Variants in AK9 observed in about 807,000 individuals in gnomAD.
The protein encoded by AK9 is adenylate kinase domain containing 1.
A neutral mutation model predicts 239.6 loss-of-function variants in AK9; 191 were observed. The observed-to-expected ratio is 0.80, with a 90% confidence interval of 0.71 to 0.90. The LOEUF (loss-of-function observed/expected upper bound fraction) is 0.90. AK9 is among the 40% of genes least tolerant of loss of function. AK9 has a pLI of 0.00. For synonymous variants in AK9, 689 were observed against 721.0 expected, an observed-to-expected ratio of 0.96 and a Z score of 0.71; for missense variants, 1,995 against 2,214.7, an observed-to-expected ratio of 0.90 and a Z score of 1.99.
chr6:109,494,140 G>T, intron 39 of AK9, 45 bp from the exon 40 acceptor site: 1 of 1,440,690 alleles, frequency 6.9e-7, no homozygotes, highest in Non-Finnish European at 9.7e-7. Flanking sequence ...CTTGAGTTTG[G>T]TTTCTTTTCT....
At chr6:109,632,807 G>A (rs1554276476) in intron 12 of AK9, 116 bp downstream of exon 12, 2 of 1,372,724 alleles carry the variant, frequency 1.5e-6, no homozygotes, top group Non-Finnish European at 1.9e-6. Context: ...TTTAAAAACT[G>A]AGTACAAATA....
At chr6:109,616,180 T>C (rs1794171141) in intron 13 of AK9, among the ~76,000 whole-genome samples, 1 of 152,138 alleles carries the variant, frequency 6.6e-6, no homozygotes, top group African/African-American at 2.4e-5. Flanking sequence ...GTTTAAACTA[T>C]ACTTCTTTTC....
chr6:109,514,238 G>T lies in AK9; in HGVS notation c.4265C>A (p.Ser1422Tyr). The stretch of plus-strand genomic sequence containing the variant: ...CATACGCTCACCTGTAGTTTTCCCA[G>T]ATTTTGGAGGCCCCACAATTATAAT... ...IRIIIVGPPKSGKTTVAKKIT... is the reference protein window; with the variant it reads ...IRIIIVGPPKYGKTTVAKKIT... Residue 1422 changes from serine to tyrosine, a missense_variant, in exon 32 of 41, where the codon TCT (serine) becomes TAT (tyrosine). Ser to Tyr is a moderately radical substitution (Grantham distance 144, BLOSUM62 -2). Around this residue, in one of 5 missense-constraint regions of AK9, gnomAD observed 1,290 missense variants for 1,392.7 expected, o/e 0.93. Coordinates refer to ENST00000424296, the MANE Select transcript of AK9 (RefSeq NM_001145128.3). 1 of 1,550,854 alleles carries T rather than the reference G, an allele frequency of 6.4e-7. No homozygotes were observed. Among genetic ancestry groups the T allele is most frequent in the Non-Finnish European group, 8.7e-7 (1 of 1,146,742 alleles).
At chr6:109,661,008 G>A in intron 6 of AK9, 2 of 491,014 alleles carry the variant, frequency 4.1e-6, no homozygotes, top group Non-Finnish European at 8.0e-6. Context: ...TATACATAAA[G>A]TTTTATGTAT....
intron 9 of AK9, chr6:109,644,412 T>C (rs1344721362): frequency 6.8e-6 from 3 of 440,568 alleles, no homozygotes; most frequent in Non-Finnish European, 1.2e-5. Flanking sequence ...TTGAAAGAGA[T>C]TTTAAATTCG....
At chr6:109,550,360 A>G in intron 24 of AK9, 58 bp from the exon 25 acceptor site, 1 of 1,473,790 alleles carries the variant, frequency 6.8e-7, no homozygotes, top group Non-Finnish European at 9.2e-7. Context: ...TTTGATGCAG[A>G]TAATTTTTTA....
At position 109,594,592 on chromosome 6, in the gene AK9, A is replaced by G. The variant is rs145470285; in HGVS notation, c.1843-8520T>C. Among the ~76,000 whole-genome samples, 302 of 152,274 alleles carry G rather than the reference A, an allele frequency of 2.0e-3. 1 individual carries two copies. The highest frequency in any genetic ancestry group is 6.9e-3 in the African/African-American group (285 of 41,556). Reference sequence around the variant, plus strand: ...ATAAGAACAAAGCTGGAGGCTTCATACTTCCTGACTTCAAACTATACTACA... The same window carrying G: ...ATAAGAACAAAGCTGGAGGCTTCATGCTTCCTGACTTCAAACTATACTACA... On this transcript the variant is annotated intron_variant, in intron 17 of 40. Coordinates refer to ENST00000424296, the MANE Select transcript of AK9 (RefSeq NM_001145128.3).
At chr6:109,510,521 T>G (rs1778620378) in intron 32 of AK9, among the ~76,000 whole-genome samples, 1 of 152,008 alleles carries the variant, frequency 6.6e-6, no homozygotes, top group African/African-American at 2.4e-5. Context: ...CAGGGCCTCC[T>G]CTCTGCTGAG....
intron 33 of AK9, among the ~76,000 whole-genome samples, chr6:109,507,786 C>T (rs974874532): frequency 6.6e-6 from 1 of 152,138 alleles, no homozygotes; most frequent in Non-Finnish European, 1.5e-5. Flanking sequence ...TGAACTGTAA[C>T]CTAGCTTAAT....
chr6:109,531,600 C>T (rs767871462), intron 28 of AK9, among the ~76,000 whole-genome samples: 2 of 152,128 alleles, frequency 1.3e-5, no homozygotes, highest in Non-Finnish European at 2.9e-5. Flanking sequence ...ACAGCCACTG[C>T]GGCTACTGGC....
chr6:109,618,086 G>A (rs1794392726), intron 13 of AK9, among the ~76,000 whole-genome samples: 1 of 152,152 alleles, frequency 6.6e-6, no homozygotes, highest in Non-Finnish European at 1.5e-5. Flanking sequence ...AACATAATTA[G>A]GAAAAGGATA....
chr6:109,548,851 G>A (rs1783941436), intron 25 of AK9, among the ~76,000 whole-genome samples: 1 of 152,284 alleles, frequency 6.6e-6, no homozygotes. Context: ...GGCTTTATCA[G>A]TATGATCCTG....
intron 17 of AK9, among the ~76,000 whole-genome samples, chr6:109,608,166 G>A (rs938842490): frequency 3.3e-5 from 5 of 151,012 alleles, no homozygotes; most frequent in Non-Finnish European, 4.4e-5. Context: ...GCAGTCCCAC[G>A]TACTCAGGAG....
intron 17 of AK9, among the ~76,000 whole-genome samples, chr6:109,592,972 T>C (rs1161216350): frequency 6.6e-6 from 1 of 152,156 alleles, no homozygotes; most frequent in African/African-American, 2.4e-5. Flanking sequence ...TCTGCACTTT[T>C]TACTTTTTCT....
chr6:109,654,557 C>T (rs1249075078), intron 8 of AK9, among the ~76,000 whole-genome samples: 1 of 152,060 alleles, frequency 6.6e-6, no homozygotes, highest in Admixed American at 6.5e-5. Context: ...TCTCGAACTC[C>T]TGAGCTCAGG....
At chr6:109,517,723 T>C (rs1246464367) in intron 29 of AK9, among the ~76,000 whole-genome samples, 33 of 152,190 alleles carry the variant, frequency 2.2e-4, no homozygotes, top group Non-Finnish European at 4.4e-5. Flanking sequence ...TCGGAGGCTA[T>C]AGCCTATCTG....
intron 9 of AK9, among the ~76,000 whole-genome samples, chr6:109,642,321 A>T (rs1797555004): frequency 6.6e-6 from 1 of 152,246 alleles, no homozygotes; most frequent in African/African-American, 2.4e-5. Flanking sequence ...AAAAGAGGCC[A>T]GCACACAGAT....
intron 12 of AK9, among the ~76,000 whole-genome samples, chr6:109,619,831 A>T (rs947493342): frequency 2.0e-5 from 3 of 151,962 alleles, no homozygotes; most frequent in African/African-American, 7.2e-5. Context: ...CCCAGCTTTC[A>T]TTCCTGGCCC....
intron 10 of AK9, among the ~76,000 whole-genome samples, chr6:109,636,976 C>A (rs368083772): frequency 2.0e-5 from 3 of 152,036 alleles, no homozygotes; most frequent in African/African-American, 4.8e-5. Context: ...TAGCAACCAC[C>A]AAACTATTTT....
Sources: allele counts gnomAD v4.1 joint callset (sites outside exome capture counted in the v4.1 genomes callset), GRCh38; gene constraint gnomAD v4.1.1; regional missense constraint gnomAD v4.1.1; transcripts MANE v1.5; gene names NCBI Gene and HGNC (gene_info 2026-07-23, HGNC 2026-07-21).